MBTD1: variants seen among roughly 807,000 people sequenced by gnomAD.
The protein encoded by MBTD1 is mbt domain containing 1, also known as MBT domain-containing protein 1.
In MBTD1, 24 loss-of-function variants were observed where a neutral mutation model predicts 87.8. The ratio of observed to expected loss-of-function variants is 0.27; its 90% CI spans 0.20 to 0.38. The LOEUF (loss-of-function observed/expected upper bound fraction) is 0.38. Ranked by LOEUF, MBTD1 falls within the 10% of genes least tolerant of loss-of-function variation. MBTD1 has a pLI of 1.00. For synonymous variants in MBTD1, 237 were observed against 248.6 expected (o/e 0.95, Z 0.44); for missense variants, 436 against 760.2 (o/e 0.57, Z 5.02).
At chr17:51,238,390 A>G (rs1359463313) in intron 2 of MBTD1, among the ~76,000 whole-genome samples, 1 of 152,248 alleles carries the variant, frequency 6.6e-6, no homozygotes, top group Non-Finnish European at 1.5e-5. Flanking sequence ...ATGTTTCATT[A>G]TAACATCAAA....
chr17:51,229,637 A>G (rs59578889), intron 2 of MBTD1, among the ~76,000 whole-genome samples: 2,396 of 151,030 alleles, frequency 0.016, 68 homozygotes, highest in African/African-American at 0.056. Flanking sequence ...TAATGTTGCC[A>G]CAGCCCAGGC....
chr17:51,259,994 G>C lies in MBTD1; in HGVS notation c.-272C>G. 1.6e-6 allele frequency: 1 copy of C among 626,716 alleles called. No homozygotes were observed. Among genetic ancestry groups the C allele is most frequent in the South Asian group, 8.2e-5 (1 of 12,254 alleles). 38.8% of individuals were successfully genotyped at this position (626,716 alleles called of 1,614,324 possible). ...TGGGCCCAGACCGGTGGCGGGTGCA[G>C]CAGCCCCCGGATTTCCCCCCTTTAA... On this transcript the variant is annotated 5_prime_UTR_variant, in exon 1 of 17. Coordinates refer to ENST00000586178, the MANE Select transcript of MBTD1 (RefSeq NM_017643.3).
At chr17:51,191,902 A>C (rs1299676471) in intron 16 of MBTD1, 1 of 283,570 alleles carries the variant, frequency 3.5e-6, no homozygotes. Context: ...TTTTTAAATA[A>C]AGTTTTTAAA....
chr17:51,242,787 G>A (rs902629358), intron 2 of MBTD1, among the ~76,000 whole-genome samples: 2 of 152,160 alleles, frequency 1.3e-5, no homozygotes, highest in Non-Finnish European at 1.5e-5. Context: ...AAAGTAAACA[G>A]TATATGTACA....
intron 2 of MBTD1, among the ~76,000 whole-genome samples, chr17:51,243,137 T>C (rs1368940571): frequency 6.6e-6 from 1 of 152,188 alleles, no homozygotes; most frequent in Non-Finnish European, 1.5e-5. Context: ...TTGTTAGATA[T>C]TGCCAAATTC....
chr17:51,230,448 G>A (rs2053486509), intron 2 of MBTD1, among the ~76,000 whole-genome samples: 1 of 149,808 alleles, frequency 6.7e-6, no homozygotes, highest in South Asian at 2.1e-4. Flanking sequence ...AGCATGCAAA[G>A]CAGACAAGAT....
intron 6 of MBTD1, among the ~76,000 whole-genome samples, chr17:51,213,460 T>C (rs1376665110): frequency 6.6e-6 from 1 of 152,060 alleles, no homozygotes; most frequent in Non-Finnish European, 1.5e-5. Context: ...CTAACTGGCA[T>C]ATAATACTGT....
chr17:51,187,437 T>C (rs2050589683), intron 16 of MBTD1, among the ~76,000 whole-genome samples: 1 of 150,676 alleles, frequency 6.6e-6, no homozygotes, highest in South Asian at 2.1e-4. Context: ...CCTTCAGCTA[T>C]AGTTTTCTAT....
chr17:51,198,226 CT>C (rs2051250469), intron 12 of MBTD1, among the ~76,000 whole-genome samples: 1 of 152,180 alleles, frequency 6.6e-6, no homozygotes, highest in Non-Finnish European at 1.5e-5. Flanking sequence ...GATATAATTG[CT>C]TTCAGCCATC....
intron 16 of MBTD1, among the ~76,000 whole-genome samples, chr17:51,186,775 A>G (rs2050557733): frequency 2.4e-5 from 3 of 126,172 alleles, no homozygotes. Context: ...CTCTCGTCTC[A>G]AAAAAAAAAA....
chr17:51,246,043 G>T (rs559562972), intron 2 of MBTD1, among the ~76,000 whole-genome samples: 1 of 152,284 alleles, frequency 6.6e-6, no homozygotes, highest in East Asian at 1.9e-4. Flanking sequence ...CTTCACATAG[G>T]TTTTTAACAA....
chr17:51,182,736 T>C (rs2050373217), intron 16 of MBTD1, among the ~76,000 whole-genome samples: 1 of 152,190 alleles, frequency 6.6e-6, no homozygotes, highest in African/African-American at 2.4e-5. Flanking sequence ...TATCTTTTCA[T>C]TAATAAATGG....
chr17:51,192,451 G>A, intron 15 of MBTD1, 171 bp from the exon 16 acceptor site: 1 of 629,624 alleles, frequency 1.6e-6, no homozygotes, highest in Non-Finnish European at 2.7e-6. Context: ...CTCAACATGA[G>A]ACATTTTCCA....
At chr17:51,220,938 G>A (rs2052852712) in intron 3 of MBTD1, among the ~76,000 whole-genome samples, 2 of 152,118 alleles carry the variant, frequency 1.3e-5, no homozygotes, top group Non-Finnish European at 2.9e-5. Context: ...AAAATGCTAA[G>A]AGCTGTATGA....
chr17:51,185,069 C>G (rs1310703563), intron 16 of MBTD1: 1 of 152,052 alleles, frequency 6.6e-6, no homozygotes, highest in African/African-American at 2.4e-5. Context: ...GCAAAAACCA[C>G]CAAAAAACCA....
In MBTD1 at chr17:51,212,438, C is replaced by CTT. The variant is rs59653419; in HGVS notation, c.486+4894_486+4895dup. Among the ~76,000 whole-genome samples the CTT allele has an allele frequency of 1.3e-3, 179 of 136,234 alleles. 2 individuals carry two copies. Among genetic ancestry groups the CTT allele is most frequent in the African/African-American group, 4.3e-3 (161 of 37,736 alleles). The allele number at this position is 136,234 out of a possible 152,430, so 89.4% of individuals were successfully genotyped here. A position where few individuals can be genotyped will look rare whatever the true frequency, so the allele number is the denominator to read the frequency against. ...TTTCTGCATCTATGTGTACAAATGA[C>CTT]TTTTTTTTTTTTTTTTGGTACAAAC... On this transcript the variant is annotated intron_variant, in intron 6 of 16. Coordinates refer to ENST00000586178, the MANE Select transcript of MBTD1 (RefSeq NM_017643.3).
chr17:51,191,819 G>C (rs2050828658), intron 16 of MBTD1: 1 of 184,432 alleles, frequency 5.4e-6, no homozygotes, highest in East Asian at 1.8e-4. Context: ...CTGACCTTGT[G>C]ATCTGCCAGC....
chr17:51,230,773 T>C (rs1226921637), intron 2 of MBTD1, among the ~76,000 whole-genome samples: 1 of 152,158 alleles, frequency 6.6e-6, no homozygotes, highest in Non-Finnish European at 1.5e-5. Context: ...ATGAGGGCCC[T>C]TGTAGGCCAG....
At chr17:51,212,353 G>C (rs958045606) in intron 6 of MBTD1, among the ~76,000 whole-genome samples, 9 of 94,776 alleles carry the variant, frequency 9.5e-5, no homozygotes, top group African/African-American at 4.4e-4. Context: ...GTGAGACTCC[G>C]CCTCAAAAAA....
Sources: allele counts gnomAD v4.1 joint callset (sites outside exome capture counted in the v4.1 genomes callset), GRCh38; gene constraint gnomAD v4.1.1; transcripts MANE v1.5; gene names NCBI Gene and HGNC (gene_info 2026-07-23, HGNC 2026-07-21).